JRK: variants seen among roughly 807,000 people sequenced by gnomAD.
The protein encoded by JRK is jerky protein homolog.
For missense variants in JRK, 720 were observed against 509.2 expected (o/e 1.41, Z -3.98); for synonymous variants, 303 against 218.1 (o/e 1.39, Z -3.43).
downstream of JRK, among the ~76,000 whole-genome samples, chr8:142,654,205 T>C (rs1284323679): frequency 1.3e-5 from 2 of 152,122 alleles, no homozygotes; most frequent in Non-Finnish European, 2.9e-5. Flanking sequence ...CCACATGGTG[T>C]CCATGGCCAT....
chr8:142,660,839 C>T lies in JRK; in HGVS notation c.*3513G>A. ...GGATGCAGTCTACACCTTCTGCAAA[C>T]CCCTGCCTCAAACCGTGTCCCTCCA... On this transcript the variant is annotated 3_prime_UTR_variant, in exon 2 of 2. Transcript: ENST00000612905. 4 of 985,666 alleles carry T rather than the reference C, an allele frequency of 4.1e-6. No individual in the cohort carries two copies. Among genetic ancestry groups the T allele is most frequent in the Non-Finnish European group, 4.8e-6 (4 of 830,130 alleles). The allele number at this position is 985,666 out of a possible 1,614,324, so 61.1% of individuals were successfully genotyped here. A position where few individuals can be genotyped will look rare whatever the true frequency, so the allele number is the denominator to read the frequency against.
chr8:142,659,989 C>A lies in JRK; in HGVS notation c.*4363G>T. ...GAAGCAGAGGCCAGAGCTGACACCA[C>A]ATGGGCAAAGGAGTGGGCGTGTGGG... is the stretch of plus-strand genomic sequence containing the variant. On this transcript the variant is annotated 3_prime_UTR_variant, in exon 2 of 2. Transcript: ENST00000612905. 1.0e-6 allele frequency: 1 copy of A among 985,674 alleles called. No individual in the cohort carries two copies. 61.1% of individuals were successfully genotyped at this position (985,674 alleles called of 1,614,324 possible).
In JRK at chr8:142,664,294, G is replaced by A; in HGVS notation, c.*58C>T. 17 of 1,496,732 alleles carry A rather than the reference G, an allele frequency of 1.1e-5. No homozygotes were observed. In the South Asian group the frequency reaches 1.8e-4, roughly 16 times the overall value. 92.7% of individuals were successfully genotyped at this position (1,496,732 alleles called of 1,614,324 possible). On this transcript the variant is annotated 3_prime_UTR_variant, in exon 2 of 2. Coordinates refer to ENST00000612905, the MANE Select transcript of JRK (RefSeq NM_003724.4). ...AGGTGGGGTCGGGGCACAGGACCAT[G>A]CCACTCCAGGGTGTGGGGAGAAACA...
chr8:142,660,846 C>T lies in JRK; in HGVS notation c.*3506G>A. On this transcript the variant is annotated 3_prime_UTR_variant, in exon 2 of 2. Coordinates refer to ENST00000612905, the MANE Select transcript of JRK (RefSeq NM_003724.4). ...GTCTACACCTTCTGCAAACCCCTGC[C>T]TCAAACCGTGTCCCTCCACAAGCAC... The T allele has an allele frequency of 1.0e-6, 1 of 985,706 alleles. No homozygotes were observed. Among genetic ancestry groups the T allele is most frequent in the Non-Finnish European group, 1.2e-6 (1 of 830,146 alleles). The allele number at this position is 985,706 out of a possible 1,614,324, so 61.1% of individuals were successfully genotyped here.
rs782654480 is a variant in JRK at position 142,665,857 on chromosome 8, T to C, written c.202A>G (p.Ser68Gly). 2.6e-6 allele frequency: 2 copies of C among 780,484 alleles called. No homozygotes were observed. Among genetic ancestry groups the C allele is most frequent in the Non-Finnish European group, 4.8e-6 (2 of 418,814 alleles). 48.3% of individuals were successfully genotyped at this position (780,484 alleles called of 1,614,324 possible). ...HKAQLLRFFA[S>G]SDSNKALEQR... is the part of the protein sequence containing the mutation. ...TCCAGCGCCTTGTTGGAGTCGGAGCTGGCGAAGAACCGGAGCAGCTGCGCC... is the reference window on the plus strand; with the variant it reads ...TCCAGCGCCTTGTTGGAGTCGGAGCCGGCGAAGAACCGGAGCAGCTGCGCC... The change falls in exon 2 of 2, where the codon AGC becomes GGC. Residue 68 changes from serine to glycine, a missense_variant. Transcript: ENST00000612905.
At chr8:142,650,736 C>G in the JRK span, among the ~76,000 whole-genome samples, 1 of 152,176 alleles carries the variant, frequency 6.6e-6, no homozygotes, top group African/African-American at 2.4e-5. Flanking sequence ...CAGTTTCGGG[C>G]ATGTCTTTAT....
In JRK at chr8:142,664,198, A is replaced by C. The variant is rs1554635042; in HGVS notation, c.*154T>G. 7.1e-7 allele frequency: 1 copy of C among 1,400,894 alleles called. No individual in the cohort carries two copies. The highest frequency in any genetic ancestry group is 9.3e-7 in the Non-Finnish European group (1 of 1,076,336). The allele number at this position is 1,400,894 out of a possible 1,614,324, so 86.8% of individuals were successfully genotyped here. A position where few individuals can be genotyped will look rare whatever the true frequency, so the allele number is the denominator to read the frequency against. ...ACCTCGGGCACAGACCGTCCTGGGC[A>C]CCCGAGCCACACCCGTGGGCGACCC... On this transcript the variant is annotated 3_prime_UTR_variant, in exon 2 of 2. Coordinates refer to ENST00000612905, the MANE Select transcript of JRK (RefSeq NM_003724.4).
At position 142,665,908 on chromosome 8, in the gene JRK, T is replaced by C. The variant is rs1554635958; in HGVS notation, c.151A>G (p.Thr51Ala). The change falls in exon 2 of 2, where the codon ACC becomes GCC. Residue 51 changes from threonine to alanine, a missense_variant. Thr to Ala is a moderately conservative substitution (Grantham distance 58). Coordinates refer to ENST00000612905, the MANE Select transcript of JRK (RefSeq NM_003724.4). ...LMQEYNVGMSTLYDIRAHKAQ... is the reference protein window; with the variant it reads ...LMQEYNVGMSALYDIRAHKAQ... ...TTGTGGGCCCTGATGTCGTAGAGGG[T>C]GGACATGCCCACATTGTACTCCTGC... 4 of 793,970 alleles carry C rather than the reference T, an allele frequency of 5.0e-6. No individual in the cohort carries two copies. In the African/African-American group the frequency reaches 5.1e-5, roughly 10 times the overall value. The allele number at this position is 793,970 out of a possible 1,614,324, so 49.2% of individuals were successfully genotyped here. A position where few individuals can be genotyped will look rare whatever the true frequency, so the allele number is the denominator to read the frequency against.
the JRK span, among the ~76,000 whole-genome samples, chr8:142,651,025 T>C: frequency 2.6e-5 from 4 of 152,222 alleles, no homozygotes; most frequent in African/African-American, 9.6e-5. Flanking sequence ...TATTTATAAA[T>C]AATATAAACT....
downstream of JRK, among the ~76,000 whole-genome samples, chr8:142,655,382 G>A (rs1353233275): frequency 3.3e-5 from 5 of 152,306 alleles, no homozygotes; most frequent in East Asian, 1.9e-4. Context: ...GAGTGAAAGG[G>A]GTGTTATTAG....
chr8:142,659,835 A>C lies in JRK; in HGVS notation c.*4517T>G. On this transcript the variant is annotated 3_prime_UTR_variant, in exon 2 of 2. Transcript: ENST00000612905. ...CCTGGGTCTCCCTCTGCCCTCAGCAACTTCACACCTGCCCCTCCCTGGGCC... is the reference window on the plus strand; with the variant it reads ...CCTGGGTCTCCCTCTGCCCTCAGCACCTTCACACCTGCCCCTCCCTGGGCC... The C allele has an allele frequency of 1.0e-6, 1 of 985,588 alleles. No individual in the cohort carries two copies. The highest frequency in any genetic ancestry group is 1.2e-6 in the Non-Finnish European group (1 of 830,040). 61.1% of individuals were successfully genotyped at this position (985,588 alleles called of 1,614,324 possible). A position where few individuals can be genotyped will look rare whatever the true frequency, so the allele number is the denominator to read the frequency against.
Position 142,659,381 on chromosome 8 carries a change from A to G in JRK, c.*4971T>C, listed in dbSNP as rs587623442. The G allele has an allele frequency of 5.7e-5, 56 of 990,048 alleles. 1 individual carries two copies. In the East Asian group the frequency reaches 3.4e-3, roughly 61 times the overall value. 61.3% of individuals were successfully genotyped at this position (990,048 alleles called of 1,614,324 possible). On this transcript the variant is annotated 3_prime_UTR_variant, in exon 2 of 2. Coordinates refer to ENST00000612905, the MANE Select transcript of JRK (RefSeq NM_003724.4). Reference sequence around the variant, plus strand: ...TTCCTTTGGCTACTAAGGAGGCCCAACGATCCTCGCCTGTGTGGGACGGGG... The same window carrying G: ...TTCCTTTGGCTACTAAGGAGGCCCAGCGATCCTCGCCTGTGTGGGACGGGG...
chr8:142,651,396 A>G, the JRK span, among the ~76,000 whole-genome samples: 1 of 142,560 alleles, frequency 7.0e-6, no homozygotes, highest in Non-Finnish European at 1.5e-5. Flanking sequence ...GTCATGCTGG[A>G]AAAAAAAAAA....
In JRK at chr8:142,659,149, C is replaced by A; in HGVS notation, c.*5203G>T. 7.5e-7 allele frequency: 1 copy of A among 1,333,034 alleles called. No individual in the cohort carries two copies. The highest frequency in any genetic ancestry group is 9.6e-7 in the Non-Finnish European group (1 of 1,038,220). The allele number at this position is 1,333,034 out of a possible 1,614,324, so 82.6% of individuals were successfully genotyped here. A position where few individuals can be genotyped will look rare whatever the true frequency, so the allele number is the denominator to read the frequency against. On this transcript the variant is annotated 3_prime_UTR_variant, in exon 2 of 2. Coordinates refer to ENST00000612905, the MANE Select transcript of JRK (RefSeq NM_003724.4). ...GTGCCAAGTCCCAGCTCAAGCCTGGCAGCTCCTCCCACTGAGCCTCATGGT... is the reference window on the plus strand; with the variant it reads ...GTGCCAAGTCCCAGCTCAAGCCTGGAAGCTCCTCCCACTGAGCCTCATGGT...
chr8:142,648,952 G>C, the JRK span, among the ~76,000 whole-genome samples: 2 of 152,240 alleles, frequency 1.3e-5, no homozygotes, highest in African/African-American at 4.8e-5. Flanking sequence ...GCATGACCTG[G>C]ATGTGAGAAA....
At position 142,662,538 on chromosome 8, in the gene JRK, A is replaced by T; in HGVS notation, c.*1814T>A. The T allele has an allele frequency of 1.0e-6, 1 of 985,518 alleles. No homozygotes were observed. Among genetic ancestry groups the T allele is most frequent in the Non-Finnish European group, 1.2e-6 (1 of 829,966 alleles). 61.0% of individuals were successfully genotyped at this position (985,518 alleles called of 1,614,324 possible). On this transcript the variant is annotated 3_prime_UTR_variant, in exon 2 of 2. Transcript: ENST00000612905. ...GACACCACAAAGACAATGGGACACA[A>T]ATGGGAACTGGGACTGTCGTTCAGC...
Position 142,663,682 on chromosome 8 carries a change from C to A in JRK, c.*670G>T. 1.0e-6 allele frequency: 1 copy of A among 985,472 alleles called. No homozygotes were observed. Among genetic ancestry groups the A allele is most frequent in the Non-Finnish European group, 1.2e-6 (1 of 829,948 alleles). The allele number at this position is 985,472 out of a possible 1,614,324, so 61.0% of individuals were successfully genotyped here. ...CAAGTCAACTCTCCGTGGGGCCCCCCAACATCTTGGGGCCAGAGCCCATGG... is the reference window on the plus strand; with the variant it reads ...CAAGTCAACTCTCCGTGGGGCCCCCAAACATCTTGGGGCCAGAGCCCATGG... On this transcript the variant is annotated 3_prime_UTR_variant, in exon 2 of 2. Transcript: ENST00000612905.
Position 142,664,541 on chromosome 8 carries a change from G to A in JRK, c.1518C>T (p.Cys506=), listed in dbSNP as rs376348723. Residue 506 remains cysteine, a synonymous_variant, in exon 2 of 2, where the codon TGC becomes TGT. Coordinates refer to ENST00000612905, the MANE Select transcript of JRK (RefSeq NM_003724.4). Reference sequence around the variant, plus strand: ...GCTGCCCCACTTCCTGCGCACTGAAGCATGGCTGCCGCTCCGCAAAGCGCA... The same window carrying A: ...GCTGCCCCACTTCCTGCGCACTGAAACATGGCTGCCGCTCCGCAAAGCGCA... ...AVLRFAERQP[C]FSAQEVGQLR... is the part of the protein sequence containing the mutation. 1 of 1,608,084 alleles carries A rather than the reference G, an allele frequency of 6.2e-7. No individual in the cohort carries two copies. Among genetic ancestry groups the A allele is most frequent in the Non-Finnish European group, 8.5e-7 (1 of 1,178,290 alleles).
chr8:142,667,798 A>C (rs1280409165), intron 1 of JRK, among the ~76,000 whole-genome samples: 1 of 152,216 alleles, frequency 6.6e-6, no homozygotes, highest in South Asian at 2.1e-4. Context: ...CTTCTCCTAT[A>C]TAAAGACAAT....
Sources: gnomAD v4.1 joint callset for allele counts (sites outside exome capture counted in the v4.1 genomes callset) on GRCh38, gnomAD v4.1.1 for gene constraint, MANE v1.5 for transcripts, NCBI Gene and HGNC (gene_info 2026-07-23, HGNC 2026-07-21) for gene names.